The following PTPRJ variants were observed in gnomAD, a reference collection of about 807,000 sequenced individuals.
PTPRJ encodes the protein receptor-type tyrosine-protein phosphatase eta.
Under a neutral mutation model 141.3 loss-of-function variants are expected in PTPRJ, and 129 were observed. The ratio of observed to expected loss-of-function variants is 0.91; its 90% CI spans 0.79 to 1.06. PTPRJ has a LOEUF of 1.06. PTPRJ is among the 50% of genes least tolerant of loss of function. PTPRJ has a pLI of 0.00. For synonymous variants in PTPRJ, 610 were observed against 640.5 expected (o/e 0.95, Z 0.72); for missense variants, 1,601 against 1,679.7 (o/e 0.95, Z 0.82).
At chr11:48,080,557 C>T (rs1355895571) in intron 1 of PTPRJ, among the ~76,000 whole-genome samples, 6 of 152,164 alleles carry the variant, frequency 3.9e-5, no homozygotes, top group Non-Finnish European at 7.3e-5. Flanking sequence ...AATCCATTCT[C>T]GGTTTCTGTT....
chr11:48,136,753 A>C (rs1266918843), intron 9 of PTPRJ, among the ~76,000 whole-genome samples: 1 of 152,230 alleles, frequency 6.6e-6, no homozygotes, highest in Non-Finnish European at 1.5e-5. Flanking sequence ...TTAGAAATTA[A>C]ATGTTAAAAA....
At chr11:48,063,829 CTT>C in intron 1 of PTPRJ, among the ~76,000 whole-genome samples, 1 of 152,106 alleles carries the variant, frequency 6.6e-6, no homozygotes, top group East Asian at 1.9e-4. Flanking sequence ...GTGAGGGGAA[CTT>C]TTTCGCCCTT....
chr11:48,109,009 G>C (rs559555852), intron 1 of PTPRJ, among the ~76,000 whole-genome samples: 4 of 152,188 alleles, frequency 2.6e-5, no homozygotes, highest in Admixed American at 6.5e-5. Flanking sequence ...GAGGGGTGTT[G>C]GTTTCCATGG....
At chr11:48,139,829 G>A (rs896228837) in intron 11 of PTPRJ, 53 bp downstream of exon 11, 119 of 1,581,080 alleles carry the variant, frequency 7.5e-5, no homozygotes, top group Non-Finnish European at 8.7e-5. Context: ...CTCCTGGAGC[G>A]GCTGACCCAC....
chr11:48,137,658 A>T (rs766602833), intron 10 of PTPRJ, among the ~76,000 whole-genome samples: 1 of 152,120 alleles, frequency 6.6e-6, no homozygotes, highest in Non-Finnish European at 1.5e-5. Flanking sequence ...TTACAGGCAG[A>T]GGCCTGTGCA....
rs1160008465 is a variant in PTPRJ at position 48,018,443 on chromosome 11, G to T, written c.96+37435G>T. On this transcript the variant is annotated intron_variant, in intron 1 of 24. Transcript: ENST00000418331. The stretch of plus-strand genomic sequence containing the variant: ...AGCCCCGGGCCACAGTGAAGACCCT[G>T]GAATGGCTGAGAGACTGGGATTCCA... 2.6e-5 allele frequency among the ~76,000 whole-genome samples: 4 copies of T among 152,118 alleles called. No individual in the cohort carries two copies. The East Asian group carries it at 7.7e-4, about 29-fold the overall frequency.
At chr11:48,162,769 G>A (rs182447983) in intron 22 of PTPRJ, among the ~76,000 whole-genome samples, 37 of 152,286 alleles carry the variant, frequency 2.4e-4, no homozygotes, top group Admixed American at 4.6e-4. Flanking sequence ...AGCTGGGGTG[G>A]GCTTCTGGTG....
intron 1 of PTPRJ, among the ~76,000 whole-genome samples, chr11:48,036,220 A>T (rs1216165767): frequency 6.6e-6 from 1 of 152,244 alleles, no homozygotes; most frequent in Non-Finnish European, 1.5e-5. Flanking sequence ...GCTGAAACAG[A>T]TAGAAGAGTC....
At chr11:48,114,451 A>G (rs983434106) in intron 3 of PTPRJ, among the ~76,000 whole-genome samples, 1 of 151,058 alleles carries the variant, frequency 6.6e-6, no homozygotes. Flanking sequence ...AAAAAAAAAA[A>G]AAAAAAAGAA....
chr11:48,019,374 G>A (rs920441104), intron 1 of PTPRJ, among the ~76,000 whole-genome samples: 5 of 31,600 alleles, frequency 1.6e-4, no homozygotes, highest in East Asian at 8.0e-4. Context: ...ACCTTCCCCC[G>A]AACCCCACCT....
intron 1 of PTPRJ, among the ~76,000 whole-genome samples, chr11:48,071,001 G>T (rs1855231511): frequency 6.6e-6 from 1 of 152,168 alleles, no homozygotes. Flanking sequence ...TAGTTGGTCT[G>T]AATGTCACAT....
chr11:48,111,123 CA>C (rs1491286065), intron 2 of PTPRJ, among the ~76,000 whole-genome samples: 1 of 150,942 alleles, frequency 6.6e-6, no homozygotes, highest in Admixed American at 6.6e-5. Context: ...CTAAAAATAC[CA>C]AAAAAATTAG....
intron 1 of PTPRJ, among the ~76,000 whole-genome samples, chr11:47,997,130 T>C (rs1470632860): frequency 6.6e-6 from 1 of 152,222 alleles, no homozygotes; most frequent in East Asian, 1.9e-4. Context: ...GAGGCTGTCC[T>C]GTGTGCCCCG....
At chr11:48,039,014 G>C (rs988336977) in intron 1 of PTPRJ, among the ~76,000 whole-genome samples, 1 of 151,510 alleles carries the variant, frequency 6.6e-6, no homozygotes, top group Non-Finnish European at 1.5e-5. Context: ...GCTGGGTGTG[G>C]TGGCGGGTGC....
Position 48,105,398 on chromosome 11 carries a change from C to G in PTPRJ, c.97-4660C>G, listed in dbSNP as rs189501970. On this transcript the variant is annotated intron_variant, in intron 1 of 24. Coordinates refer to ENST00000418331, the MANE Select transcript of PTPRJ (RefSeq NM_002843.4). The stretch of plus-strand genomic sequence containing the variant: ...GCATGGACGGAGAGGGTCTCAGAGC[C>G]TGGAGAGCTCCTAGGGGCTGGAGCA... Among the ~76,000 whole-genome samples the G allele has an allele frequency of 1.6e-4, 25 of 152,284 alleles. No homozygotes were observed. In the East Asian group the frequency reaches 4.8e-3, roughly 29 times the overall value.
At chr11:48,106,768 T>TTC (rs1240942358) in intron 1 of PTPRJ, among the ~76,000 whole-genome samples, 104 of 139,212 alleles carry the variant, frequency 7.5e-4, no homozygotes, top group Admixed American at 2.6e-3. Context: ...TCTTTCTTTT[T>TTC]TTTTTTTTTT....
chr11:48,030,036 C>T (rs556870989), intron 1 of PTPRJ, among the ~76,000 whole-genome samples: 24 of 152,290 alleles, frequency 1.6e-4, no homozygotes, highest in African/African-American at 5.3e-4. Context: ...TGTATGTTCT[C>T]TGGAGCCAGT....
At chr11:48,047,167 C>A (rs554355583) in intron 1 of PTPRJ, among the ~76,000 whole-genome samples, 1 of 151,986 alleles carries the variant, frequency 6.6e-6, no homozygotes, top group Admixed American at 6.6e-5. Flanking sequence ...CCACCTGCCT[C>A]GGCCTCCCAA....
rs1201433270 is a variant in PTPRJ at position 48,019,358 on chromosome 11, C to T, written c.96+38350C>T. 5.3e-5 allele frequency among the ~76,000 whole-genome samples: 8 copies of T among 151,864 alleles called. No individual in the cohort carries two copies. In the South Asian group the frequency reaches 1.3e-3, roughly 24 times the overall value. On this transcript the variant is annotated intron_variant, in intron 1 of 24. Transcript: ENST00000418331. ...CTGACTTCACTAGAATCTGCCCCTC[C>T]ACCCCACCTTCCCCCGAACCCCACC...
Sources: gnomAD v4.1 joint callset for allele counts (sites outside exome capture counted in the v4.1 genomes callset) on GRCh38, gnomAD v4.1.1 for gene constraint, MANE v1.5 for transcripts, NCBI Gene and HGNC (gene_info 2026-07-23, HGNC 2026-07-21) for gene names.